Variants in SYT1 observed in about 807,000 individuals in gnomAD.
SYT1 encodes synaptotagmin-1.
In SYT1, 8 loss-of-function variants were observed where a neutral mutation model predicts 44.8. That is an observed-to-expected ratio of 0.18 (90% CI 0.10 to 0.32). SYT1 has a LOEUF of 0.32. SYT1 is among the 10% of genes least tolerant of loss of function. The probability of loss-of-function intolerance (pLI) is 1.00; values close to 1 mark genes in which losing one functional copy is unlikely to be tolerated. For synonymous variants in SYT1, 154 were observed against 188.8 expected (o/e 0.82, Z 1.51); for missense variants, 286 against 509.3 (o/e 0.56, Z 4.22).
intron 9 of SYT1, among the ~76,000 whole-genome samples, chr12:79,358,868 C>A (rs75113742): frequency 3.3e-5 from 5 of 152,082 alleles, no homozygotes; most frequent in Admixed American, 3.3e-4. Flanking sequence ...GGAAAATGTT[C>A]GTAACTGTAA....
Position 79,209,397 on chromosome 12 carries a change from G to A in SYT1, c.-17-8106G>A, listed in dbSNP as rs1164562370. Reference sequence around the variant, plus strand: ...TTCCCTGGGAACCTGCTCTCAATCAGAGGTAGTTTACTAGGAAATGTTCTC... The same window carrying A: ...TTCCCTGGGAACCTGCTCTCAATCAAAGGTAGTTTACTAGGAAATGTTCTC... On this transcript the variant is annotated intron_variant, in intron 3 of 10. Transcript: ENST00000261205. Among the ~76,000 whole-genome samples the A allele has an allele frequency of 3.9e-5, 6 of 152,188 alleles. No homozygotes were observed. The East Asian group carries it at 9.6e-4, about 24-fold the overall frequency.
At chr12:79,147,193 T>G (rs1869973673) in intron 3 of SYT1, among the ~76,000 whole-genome samples, 1 of 152,238 alleles carries the variant, frequency 6.6e-6, no homozygotes, top group South Asian at 2.1e-4. Context: ...ACATTGTTTG[T>G]AAACTGAATC....
chr12:79,142,690 A>T (rs1869636103), intron 3 of SYT1, among the ~76,000 whole-genome samples: 1 of 152,252 alleles, frequency 6.6e-6, no homozygotes, highest in Non-Finnish European at 1.5e-5. Flanking sequence ...GGCAATTCAT[A>T]ATTTCATAAG....
At chr12:78,955,664 C>T (rs1306764324) in intron 1 of SYT1, 1 of 151,940 alleles carries the variant, frequency 6.6e-6, no homozygotes, top group Non-Finnish European at 1.5e-5. Flanking sequence ...TTTTTGGAGA[C>T]ACAACATTCA....
intron 1 of SYT1, among the ~76,000 whole-genome samples, chr12:78,973,194 T>C (rs1356892410): frequency 6.6e-6 from 1 of 152,308 alleles, no homozygotes; most frequent in Non-Finnish European, 1.5e-5. Flanking sequence ...TCTATGTACA[T>C]TGTGAAATGA....
At chr12:79,242,762 C>T (rs1204602381) in intron 4 of SYT1, among the ~76,000 whole-genome samples, 1 of 152,168 alleles carries the variant, frequency 6.6e-6, no homozygotes, top group Non-Finnish European at 1.5e-5. Context: ...CCCAAAATGC[C>T]AGTGGAAGAC....
intron 3 of SYT1, among the ~76,000 whole-genome samples, chr12:79,187,674 A>C (rs1174250623): frequency 6.6e-6 from 1 of 152,126 alleles, no homozygotes; most frequent in Non-Finnish European, 1.5e-5. Context: ...GGAGCCCTAG[A>C]AATAGCTTTA....
intron 3 of SYT1, among the ~76,000 whole-genome samples, chr12:79,097,315 T>A (rs1272808361): frequency 6.6e-6 from 1 of 152,008 alleles, no homozygotes; most frequent in African/African-American, 2.4e-5. Flanking sequence ...GCCTAGTCCG[T>A]CTTAACTAGT....
At chr12:79,312,415 T>TG (rs1362469843) in intron 8 of SYT1, among the ~76,000 whole-genome samples, 15 of 152,220 alleles carry the variant, frequency 9.9e-5, no homozygotes, top group Non-Finnish European at 1.5e-5. Flanking sequence ...GTTCTTCCAT[T>TG]TGAAAAATGT....
At chr12:78,984,226 G>A (rs565201393) in intron 2 of SYT1, among the ~76,000 whole-genome samples, 66 of 151,694 alleles carry the variant, frequency 4.4e-4, no homozygotes, top group Non-Finnish European at 8.5e-4. Context: ...TTACATACCT[G>A]TGATGGTTTT....
intron 1 of SYT1, among the ~76,000 whole-genome samples, chr12:78,876,628 C>T (rs751174931): frequency 7.5e-5 from 10 of 133,886 alleles, no homozygotes; most frequent in Non-Finnish European, 1.1e-4. Context: ...TATGTATATA[C>T]ACACGTGTAC....
chr12:79,303,530 G>C (rs1880248038), intron 8 of SYT1, among the ~76,000 whole-genome samples: 1 of 151,986 alleles, frequency 6.6e-6, no homozygotes, highest in African/African-American at 2.4e-5. Context: ...ATTTGGTAAA[G>C]AGTGATTTTT....
intron 8 of SYT1, among the ~76,000 whole-genome samples, chr12:79,315,178 T>C (rs73352910): frequency 0.011 from 1,612 of 152,286 alleles, 31 homozygotes; most frequent in African/African-American, 0.037. Flanking sequence ...TGTTTCTTAT[T>C]TTTTATTTTC....
intron 1 of SYT1, among the ~76,000 whole-genome samples, chr12:78,948,830 G>C (rs927258120): frequency 3.6e-4 from 55 of 151,832 alleles, no homozygotes; most frequent in African/African-American, 1.2e-3. Context: ...CCATGGAGAG[G>C]TGTTTCCATA....
intron 8 of SYT1, among the ~76,000 whole-genome samples, chr12:79,320,464 A>G (rs78519104): frequency 0.011 from 1,637 of 152,198 alleles, 28 homozygotes; most frequent in African/African-American, 0.036. Flanking sequence ...CCAATTTTAC[A>G]TATAACTTAG....
rs148886104 is a variant in SYT1 at position 79,027,835 on chromosome 12, T to C, written c.-83-19462T>C. Reference sequence around the variant, plus strand: ...CACATCAATTATCTTGAGTTTGCTTTAAACAGATAGAGACCAGTATAGCCA... The same window carrying C: ...CACATCAATTATCTTGAGTTTGCTTCAAACAGATAGAGACCAGTATAGCCA... On this transcript the variant is annotated intron_variant, in intron 2 of 10. Coordinates refer to ENST00000261205, the MANE Select transcript of SYT1 (RefSeq NM_005639.3). Among the ~76,000 whole-genome samples, 164 of 151,712 alleles carry C rather than the reference T, an allele frequency of 1.1e-3. 1 individual carries two copies. The highest frequency in any genetic ancestry group is 3.8e-3 in the African/African-American group (157 of 41,494).
chr12:78,895,066 A>G (rs1277146372), intron 1 of SYT1, among the ~76,000 whole-genome samples: 1 of 151,682 alleles, frequency 6.6e-6, no homozygotes, highest in Non-Finnish European at 1.5e-5. Flanking sequence ...ATAAGCTAAA[A>G]TTAAAAACTA....
At chr12:79,417,723 A>G (rs1868835873) in intron 9 of SYT1, among the ~76,000 whole-genome samples, 1 of 152,010 alleles carries the variant, frequency 6.6e-6, no homozygotes, top group Admixed American at 6.6e-5. Flanking sequence ...TAATAACACT[A>G]TGCATTCACA....
At chr12:79,194,903 A>G (rs978953901) in intron 3 of SYT1, among the ~76,000 whole-genome samples, 2 of 152,210 alleles carry the variant, frequency 1.3e-5, no homozygotes, top group Admixed American at 6.5e-5. Context: ...CAAATTGTCA[A>G]TAGAATCCTG....
Sources: gnomAD v4.1 joint callset for allele counts (sites outside exome capture counted in the v4.1 genomes callset) on GRCh38, gnomAD v4.1.1 for gene constraint, MANE v1.5 for transcripts, NCBI Gene and HGNC (gene_info 2026-07-23, HGNC 2026-07-21) for gene names.